Variants in CNBD1 observed in about 807,000 individuals in gnomAD.
CNBD1 encodes cyclic nucleotide binding domain containing 1.
CNBD1 carries 71 observed loss-of-function variants against 54.4 expected under a neutral mutation model. The observed-to-expected ratio is 1.30, with a 90% CI of 1.08 to 1.59. The LOEUF is 1.59. CNBD1 is among the 40% of genes most tolerant of loss of function. The pLI is 0.00. For synonymous variants in CNBD1, 182 were observed against 170.7 expected, an observed-to-expected ratio of 1.07 and a Z score of -0.51; for missense variants, 659 against 518.0, an observed-to-expected ratio of 1.27 and a Z score of -2.64.
intron 2 of CNBD1, among the ~76,000 whole-genome samples, chr8:86,892,042 AT>A (rs1162559215): frequency 1.3e-5 from 2 of 151,388 alleles, no homozygotes; most frequent in African/African-American, 4.9e-5. Flanking sequence ...ATTGGGCTGT[AT>A]TTTTTTTCTT....
chr8:87,154,299 A>G (rs551664620), intron 4 of CNBD1, among the ~76,000 whole-genome samples: 1 of 152,242 alleles, frequency 6.6e-6, no homozygotes, highest in East Asian at 1.9e-4. Context: ...AGAAGAAGGA[A>G]AGTCAGGAGG....
chr8:87,410,984 C>G (rs1807731397), intron 2 of CNBD1, among the ~76,000 whole-genome samples: 1 of 152,052 alleles, frequency 6.6e-6, no homozygotes, highest in Non-Finnish European at 1.5e-5. Flanking sequence ...TTTAGATATA[C>G]TGCTATTGCA....
At chr8:86,923,356 A>T (rs1809306713) in intron 3 of CNBD1, among the ~76,000 whole-genome samples, 1 of 152,188 alleles carries the variant, frequency 6.6e-6, no homozygotes, top group Non-Finnish European at 1.5e-5. Context: ...ATTCCAGGGC[A>T]CCTTCCCTTT....
intron 4 of CNBD1, among the ~76,000 whole-genome samples, chr8:87,040,108 C>T (rs1810033075): frequency 6.6e-6 from 1 of 152,234 alleles, no homozygotes; most frequent in South Asian, 2.1e-4. Context: ...AACTGTATGA[C>T]TCCTAAACCA....
intron 2 of CNBD1, among the ~76,000 whole-genome samples, chr8:87,388,128 C>T (rs549504699): frequency 6.6e-5 from 10 of 152,096 alleles, no homozygotes; most frequent in Admixed American, 2.6e-4. Context: ...ATTTATAGCA[C>T]TAAATGCCCA....
chr8:87,121,040 G>C (rs113872569), intron 4 of CNBD1, among the ~76,000 whole-genome samples: 9 of 151,794 alleles, frequency 5.9e-5, no homozygotes, highest in African/African-American at 1.9e-4. Flanking sequence ...TTTCATTGTG[G>C]GGAGGTTTTT....
intron 2 of CNBD1, among the ~76,000 whole-genome samples, chr8:87,395,038 A>G (rs181394421): frequency 4.1e-4 from 62 of 151,990 alleles, no homozygotes; most frequent in African/African-American, 1.4e-3. Flanking sequence ...TGACAGCTCA[A>G]AAGCACTTCG....
chr8:87,339,555 T>G (rs1810023379), intron 8 of CNBD1, among the ~76,000 whole-genome samples: 1 of 152,122 alleles, frequency 6.6e-6, no homozygotes, highest in Non-Finnish European at 1.5e-5. Flanking sequence ...TTGCTTGTTA[T>G]TAAGATGAAG....
At chr8:87,037,661 T>A (rs73281226) in intron 4 of CNBD1, among the ~76,000 whole-genome samples, 4,568 of 152,264 alleles carry the variant, frequency 0.03, 238 homozygotes, top group African/African-American at 0.1. Context: ...TATTTATTAG[T>A]GTCCTTTTAT....
At chr8:87,253,182 T>C (rs1165807320) in intron 6 of CNBD1, among the ~76,000 whole-genome samples, 1 of 152,288 alleles carries the variant, frequency 6.6e-6, no homozygotes, top group Admixed American at 6.5e-5. Context: ...TACTCACTTA[T>C]CAGGGCCACT....
At chr8:87,214,373 AG>A (rs1378531447) in intron 5 of CNBD1, among the ~76,000 whole-genome samples, 1 of 152,114 alleles carries the variant, frequency 6.6e-6, no homozygotes, top group East Asian at 1.9e-4. Flanking sequence ...CCTTTTCTCC[AG>A]TTCCCAACAA....
chr8:87,309,412 C>T (rs1236053403), intron 8 of CNBD1, among the ~76,000 whole-genome samples: 2 of 152,138 alleles, frequency 1.3e-5, no homozygotes, highest in African/African-American at 4.8e-5. Context: ...TTCGGGTCAA[C>T]ATTTAAATTA....
chr8:86,979,232 A>G (rs1240551610), intron 4 of CNBD1, among the ~76,000 whole-genome samples: 2 of 151,744 alleles, frequency 1.3e-5, no homozygotes, highest in African/African-American at 4.8e-5. Flanking sequence ...TGGGCAATAT[A>G]TTTTCCTTTT....
intron 4 of CNBD1, among the ~76,000 whole-genome samples, chr8:87,193,199 C>A (rs898687444): frequency 1.3e-5 from 2 of 152,108 alleles, no homozygotes; most frequent in Non-Finnish European, 2.9e-5. Context: ...TTTCCCATAG[C>A]ATATGGGACT....
intron 4 of CNBD1, among the ~76,000 whole-genome samples, chr8:86,979,695 A>G (rs1808428694): frequency 6.6e-6 from 1 of 152,212 alleles, no homozygotes; most frequent in Non-Finnish European, 1.5e-5. Flanking sequence ...TCAGTATAAA[A>G]AACAGATTTT....
intron 4 of CNBD1, among the ~76,000 whole-genome samples, chr8:87,064,096 A>G (rs1044172392): frequency 4.0e-5 from 6 of 151,764 alleles, no homozygotes; most frequent in Admixed American, 1.3e-4. Context: ...TTCCCCTAGC[A>G]TTGTTACTAC....
intron 5 of CNBD1, among the ~76,000 whole-genome samples, chr8:87,223,298 A>T (rs1236474919): frequency 1.3e-5 from 2 of 151,300 alleles, no homozygotes; most frequent in East Asian, 3.9e-4. Context: ...TGTGCAGGTT[A>T]GTTACATACG....
chr8:87,395,871 A>T (rs1413488712), intron 2 of CNBD1, among the ~76,000 whole-genome samples: 1 of 151,868 alleles, frequency 6.6e-6, no homozygotes. Context: ...GAGTTCTCAC[A>T]GGATCTGATC....
At chr8:87,300,162 ATAT>A (rs946369692) in intron 8 of CNBD1, among the ~76,000 whole-genome samples, 1 of 152,196 alleles carries the variant, frequency 6.6e-6, no homozygotes, top group South Asian at 2.1e-4. Context: ...TCAAAACTCA[ATAT>A]TATAGTTTTA....
Sources: gnomAD v4.1 joint callset for allele counts (sites outside exome capture counted in the v4.1 genomes callset) on GRCh38, gnomAD v4.1.1 for gene constraint, MANE v1.5 for transcripts, NCBI Gene and HGNC (gene_info 2026-07-23, HGNC 2026-07-21) for gene names.